The following MAPK6 variants were observed in gnomAD, a reference collection of about 807,000 sequenced individuals.
MAPK6 encodes the protein mitogen-activated protein kinase 6, also known as ERK-3.
Under a neutral mutation model 59.3 loss-of-function variants are expected in MAPK6, and 19 were observed. That is an observed-to-expected ratio of 0.32 (90% CI 0.22 to 0.47). The LOEUF is 0.47. Ranked by LOEUF, MAPK6 falls within the 20% of genes least tolerant of loss-of-function variation. The pLI is 1.00. For missense variants in MAPK6, 724 were observed against 847.9 expected, an observed-to-expected ratio of 0.85 and a Z score of 1.81; for synonymous variants, 316 against 290.3, an observed-to-expected ratio of 1.09 and a Z score of -0.90.
intron 3 of MAPK6, among the ~76,000 whole-genome samples, chr15:52,053,619 ATTGATTGGTTGATTGATTGATTG>A: frequency 7.6e-6 from 1 of 131,058 alleles, no homozygotes; most frequent in Admixed American, 7.5e-5. Flanking sequence ...TGATTGATTG[ATTGATTGGTTGATTGATTGATTG>A]ATTGATTGAT....
intron 1 of MAPK6, among the ~76,000 whole-genome samples, chr15:51,974,711 G>T (rs1015956251): frequency 6.7e-6 from 1 of 149,248 alleles, no homozygotes; most frequent in African/African-American, 2.5e-5. Flanking sequence ...CCTAGGAATG[G>T]AGAATTTCTT....
chr15:51,979,618 C>A (rs1012197068), intron 1 of MAPK6, among the ~76,000 whole-genome samples: 1 of 151,538 alleles, frequency 6.6e-6, no homozygotes, highest in Non-Finnish European at 1.5e-5. Flanking sequence ...TAAGGCGAAA[C>A]CCCATCACTA....
At chr15:51,988,741 T>TAC (rs35976962) in intron 2 of MAPK6, among the ~76,000 whole-genome samples, 15,265 of 145,588 alleles carry the variant, frequency 0.1, 804 homozygotes, top group African/African-American at 0.15. Flanking sequence ...AAAAAAAAAA[T>TAC]ACACACACAC....
chr15:52,030,611 CTTTTTTTTTTTTTTT>C (rs11295636), intron 1 of MAPK6, among the ~76,000 whole-genome samples: 6 of 35,744 alleles, frequency 1.7e-4, no homozygotes, highest in East Asian at 1.9e-3. Flanking sequence ...CAGAAGAAGG[CTTTTTTTTTTTTTTT>C]TTTTTTTTTT....
rs964775744 is a variant in MAPK6, at chr15:51,998,687, ATTTTT to A, written c.-769-5561_-769-5557del. On this transcript the variant is annotated intron_variant, in intron 2 of 7. Coordinates refer to the MAPK6 transcript ENST00000691380. ...AGGCGTGCGCCACCATGCCTGGTTA[ATTTTT>A]TTTTTTTTTTTTTTTTGAGACGGAG... is the stretch of plus-strand genomic sequence containing the variant. 4.4e-4 allele frequency among the ~76,000 whole-genome samples: 17 copies of A among 38,494 alleles called. 2 individuals carry two copies. The East Asian group carries it at 5.7e-3, about 13-fold the overall frequency. 25.3% of individuals were successfully genotyped at this position (38,494 alleles called of 152,430 possible). A position where few individuals can be genotyped will look rare whatever the true frequency, so the allele number is the denominator to read the frequency against.
chr15:52,049,351 ATTTTTTT>A (rs60965378), intron 2 of MAPK6, among the ~76,000 whole-genome samples: 125 of 109,724 alleles, frequency 1.1e-3, no homozygotes, highest in African/African-American at 3.5e-3. Flanking sequence ...GAGTTATATA[ATTTTTTT>A]TTTTTTTTTT....
chr15:52,064,630 G>A lies in MAPK6; in HGVS notation c.1796G>A (p.Ser599Asn). Reference protein sequence around the residue: ...YQSSWDSQFVSGGEDCFFINQ... With the variant: ...YQSSWDSQFVNGGEDCFFINQ... ...TCTTCTTGGGACAGCCAGTTTGTGA[G>A]TGGTGGGGAGGACTGTTTTTTCATA... Residue 599 changes from serine to asparagine, a missense_variant, in exon 6 of 6, where the codon AGT (serine) becomes AAT (asparagine). Ser to Asn is a conservative substitution (Grantham distance 46). This residue lies in a region of MAPK6 where 502 missense variants were observed against 507.6 expected (regional missense o/e 0.99). Coordinates refer to ENST00000261845, the MANE Select transcript of MAPK6 (RefSeq NM_002748.4). 1.9e-6 allele frequency: 3 copies of A among 1,611,864 alleles called. No homozygotes were observed. The highest frequency in any genetic ancestry group is 2.2e-5 in the East Asian group (1 of 44,890).
intron 3 of MAPK6, among the ~76,000 whole-genome samples, chr15:52,007,589 A>C (rs891666287): frequency 1.2e-4 from 19 of 152,076 alleles, no homozygotes; most frequent in African/African-American, 4.1e-4. Context: ...CAAATATAAG[A>C]TCATTTAATT....
chr15:52,000,827 G>A (rs1410970673), intron 2 of MAPK6, among the ~76,000 whole-genome samples: 1 of 152,052 alleles, frequency 6.6e-6, no homozygotes, highest in Non-Finnish European at 1.5e-5. Flanking sequence ...AATAGCTTTA[G>A]GGGTACAGTT....
At chr15:52,030,835 A>G in intron 1 of MAPK6, among the ~76,000 whole-genome samples, 1 of 145,340 alleles carries the variant, frequency 6.9e-6, no homozygotes, top group Admixed American at 7.0e-5. Context: ...TCTGTTACCC[A>G]GGCTGGAATG....
intron 5 of MAPK6, among the ~76,000 whole-genome samples, chr15:52,062,397 C>CT (rs1731347946): frequency 6.6e-6 from 1 of 152,052 alleles, no homozygotes; most frequent in African/African-American, 2.4e-5. Context: ...GTAAAAGAGA[C>CT]TTTTTTAGGT....
intron 3 of MAPK6, among the ~76,000 whole-genome samples, chr15:52,052,372 G>A (rs1369950188): frequency 6.6e-6 from 1 of 152,176 alleles, no homozygotes; most frequent in African/African-American, 2.4e-5. Context: ...AAGACAGCAA[G>A]GAGAAAGCCA....
chr15:51,972,252 C>T (rs1294684907), intron 1 of MAPK6, among the ~76,000 whole-genome samples: 1 of 152,138 alleles, frequency 6.6e-6, no homozygotes, highest in Non-Finnish European at 1.5e-5. Flanking sequence ...AATTCTAATT[C>T]CTCAGCCTCC....
chr15:52,016,070 G>GCGCGCGCACACACACACACACACACA, upstream of MAPK6, among the ~76,000 whole-genome samples: 6 of 55,392 alleles, frequency 1.1e-4, no homozygotes, highest in Non-Finnish European at 2.0e-4. Flanking sequence ...GCGCGCGCGC[G>GCGCGCGCACACACACACACACACACA]CACACACACA....
At chr15:51,995,686 G>C (rs1355026864) in intron 2 of MAPK6, among the ~76,000 whole-genome samples, 1 of 152,134 alleles carries the variant, frequency 6.6e-6, no homozygotes, top group East Asian at 1.9e-4. Flanking sequence ...CCAGCACTGT[G>C]GGAGGCCGAG....
At chr15:51,994,453 T>A (rs1595960697) in intron 2 of MAPK6, among the ~76,000 whole-genome samples, 1 of 152,278 alleles carries the variant, frequency 6.6e-6, no homozygotes, top group East Asian at 1.9e-4. Flanking sequence ...TTAATTTAGG[T>A]TCGTCTGAGG....
rs373256272 is a variant in MAPK6 at position 51,980,417 on chromosome 15, T to C, written c.-879-2789T>C. On this transcript the variant is annotated intron_variant, in intron 1 of 7. Transcript: ENST00000691380. Reference sequence around the variant, plus strand: ...TTCTAGGGTTTCCACAATGAACATGTATTTGTTTTAGAATAAGCAGGAAAA... The same window carrying C: ...TTCTAGGGTTTCCACAATGAACATGCATTTGTTTTAGAATAAGCAGGAAAA... Among the ~76,000 whole-genome samples the C allele has an allele frequency of 2.8e-3, 426 of 150,858 alleles. 2 individuals are homozygous for C. Among genetic ancestry groups the C allele is most frequent in the South Asian group, 5.0e-3 (24 of 4,770 alleles).
intron 3 of MAPK6, among the ~76,000 whole-genome samples, chr15:52,058,193 CAT>C (rs1327340773): frequency 1.3e-5 from 2 of 152,316 alleles, no homozygotes; most frequent in South Asian, 2.1e-4. Flanking sequence ...TGAGCCCTAA[CAT>C]AGAACTATAA....
chr15:52,016,062 GCGCGC>G (rs2030241996), upstream of MAPK6, among the ~76,000 whole-genome samples: 1 of 59,100 alleles, frequency 1.7e-5, no homozygotes, highest in Non-Finnish European at 3.4e-5. Context: ...TCGCGCGCGC[GCGCGC>G]GCGCACACAC....
Sources: gnomAD v4.1 joint callset for allele counts (sites outside exome capture counted in the v4.1 genomes callset) on GRCh38, gnomAD v4.1.1 for gene constraint, gnomAD v4.1.1 regional missense constraint, MANE v1.5 for transcripts, NCBI Gene and HGNC (gene_info 2026-07-23, HGNC 2026-07-21) for gene names.